Variants in VPS41 observed in about 807,000 individuals in gnomAD.
VPS41 encodes vacuolar protein sorting-associated protein 41 homolog.
A neutral mutation model predicts 130.9 loss-of-function variants in VPS41; 85 were observed. The observed-to-expected ratio is 0.65, with a 90% confidence interval of 0.55 to 0.78. The LOEUF (loss-of-function observed/expected upper bound fraction) is 0.78, where lower values mean the gene tolerates loss of function less well. VPS41 is among the 30% of genes least tolerant of loss of function. The pLI is 0.00. For synonymous variants in VPS41, 335 were observed against 332.9 expected, an observed-to-expected ratio of 1.01 and a Z score of -0.07; for missense variants, 874 against 1,018.7, an observed-to-expected ratio of 0.86 and a Z score of 1.93.
chr7:38,765,901 G>A, intron 15 of VPS41: 1 of 388,582 alleles, frequency 2.6e-6, no homozygotes. Flanking sequence ...AAATAAAGAT[G>A]AATCACTTCA....
intron 2 of VPS41, among the ~76,000 whole-genome samples, chr7:38,897,594 G>A (rs1236023004): frequency 6.8e-6 from 1 of 148,026 alleles, no homozygotes; most frequent in South Asian, 2.1e-4. Flanking sequence ...GCAGTGAGCC[G>A]AGATGGAGCC....
At chr7:38,904,322 A>C (rs1400017197) in intron 1 of VPS41, among the ~76,000 whole-genome samples, 1 of 152,194 alleles carries the variant, frequency 6.6e-6, no homozygotes, top group Non-Finnish European at 1.5e-5. Flanking sequence ...TAAGTGGAAA[A>C]ACTAACAAAG....
intron 4 of VPS41, chr7:38,831,327 T>C (rs1043053919): frequency 2.3e-6 from 1 of 431,320 alleles, no homozygotes; most frequent in Non-Finnish European, 4.7e-6. Flanking sequence ...CATGCAGCCT[T>C]TAAAACTGAA....
At chr7:38,738,232 T>C (rs1389108874) in intron 25 of VPS41, among the ~76,000 whole-genome samples, 1 of 152,194 alleles carries the variant, frequency 6.6e-6, no homozygotes, top group African/African-American at 2.4e-5. Context: ...AATTAGCAGA[T>C]TTTTTAGAGA....
chr7:38,869,102 A>G, intron 3 of VPS41, 44 bp downstream of exon 3: 3 of 1,448,742 alleles, frequency 2.1e-6, no homozygotes, highest in East Asian at 2.3e-5. Context: ...CAAATTTACA[A>G]TGGAAACAAT....
chr7:38,762,751 T>G (rs1324922609), intron 17 of VPS41, among the ~76,000 whole-genome samples: 2 of 152,302 alleles, frequency 1.3e-5, no homozygotes, highest in Non-Finnish European at 2.9e-5. Flanking sequence ...AGGTAAAACA[T>G]GAACTATTTA....
chr7:38,774,065 A>T, intron 12 of VPS41, 50 bp downstream of exon 12: 2 of 1,463,846 alleles, frequency 1.4e-6, no homozygotes, highest in African/African-American at 2.0e-5. Flanking sequence ...AGGAAGGGGG[A>T]GAAAAAAACA....
intron 25 of VPS41, among the ~76,000 whole-genome samples, chr7:38,741,676 C>A (rs1795882923): frequency 1.3e-5 from 2 of 152,248 alleles, no homozygotes; most frequent in Middle Eastern, 3.4e-3. Flanking sequence ...CTTTCATACT[C>A]GCCTCGATTC....
chr7:38,758,428 G>C lies in VPS41; in HGVS notation c.1476C>G (p.Val492=), dbSNP rs1315170909. ...EWPGDLYNNS[V]IVQAVRDHLK... The stretch of plus-strand genomic sequence containing the variant: ...AATGATCCCGAACTGCTTGAACTAT[G>C]ACTGAATTATTATACAGATCTCCAG... Residue 492 remains valine, a synonymous_variant, in exon 18 of 29, where the codon GTC becomes GTG. Transcript: ENST00000310301. The C allele has an allele frequency of 1.2e-6, 2 of 1,613,392 alleles. No homozygotes were observed. Among genetic ancestry groups the C allele is most frequent in the South Asian group, 2.2e-5 (2 of 91,034 alleles).
Position 38,809,423 on chromosome 7 carries a change from G to C in VPS41, c.450+8394C>G, listed in dbSNP as rs376958248. The stretch of plus-strand genomic sequence containing the variant: ...AATAAAGCTAGAAAAAAATAAAAAT[G>C]TTGATAACATGGGCAAAAGAAATAA... On this transcript the variant is annotated intron_variant, in intron 7 of 28. Coordinates refer to ENST00000310301, the MANE Select transcript of VPS41 (RefSeq NM_014396.4). Among the ~76,000 whole-genome samples the C allele has an allele frequency of 3.3e-5, 5 of 149,874 alleles. No homozygotes were observed. The East Asian group carries it at 7.8e-4, about 23-fold the overall frequency.
chr7:38,870,668 A>G (rs768723362), intron 2 of VPS41, among the ~76,000 whole-genome samples: 1 of 151,182 alleles, frequency 6.6e-6, no homozygotes, highest in Non-Finnish European at 1.5e-5. Flanking sequence ...AAAAAAGACC[A>G]TAAAAATAAA....
At chr7:38,872,566 C>T (rs1392591844) in intron 2 of VPS41, among the ~76,000 whole-genome samples, 5 of 152,186 alleles carry the variant, frequency 3.3e-5, no homozygotes, top group Admixed American at 1.3e-4. Flanking sequence ...GATGATATAC[C>T]TGTTATTAAC....
chr7:38,800,499 CTT>C (rs1458762139), intron 7 of VPS41, among the ~76,000 whole-genome samples: 1 of 151,956 alleles, frequency 6.6e-6, no homozygotes, highest in Non-Finnish European at 1.5e-5. Flanking sequence ...ATCAGGAAAA[CTT>C]AGGGGAATAG....
At chr7:38,880,553 C>T (rs530359823) in intron 2 of VPS41, among the ~76,000 whole-genome samples, 1 of 152,294 alleles carries the variant, frequency 6.6e-6, no homozygotes, top group East Asian at 1.9e-4. Flanking sequence ...AGACTAAACC[C>T]TTAAGCTCTC....
chr7:38,761,877 G>T (rs1354686375), intron 17 of VPS41, among the ~76,000 whole-genome samples: 1 of 152,042 alleles, frequency 6.6e-6, no homozygotes, highest in Non-Finnish European at 1.5e-5. Flanking sequence ...GTGAGCCACC[G>T]TGACAGCCCT....
intron 17 of VPS41, among the ~76,000 whole-genome samples, chr7:38,761,462 T>G (rs1211829400): frequency 6.6e-6 from 1 of 151,344 alleles, no homozygotes; most frequent in Non-Finnish European, 1.5e-5. Flanking sequence ...TTTTTTTTTT[T>G]TTAGTAGAGA....
chr7:38,909,141 C>A lies in VPS41; in HGVS notation c.21+13G>T. On this transcript the variant is annotated intron_variant, in intron 1 of 28. Coordinates refer to ENST00000310301, the MANE Select transcript of VPS41 (RefSeq NM_014396.4). Reference sequence around the variant, plus strand: ...ATATCCCTGTGCCCTCAACTACCACCTGCACCCTTTACCTGCTCCTCTGCT... The same window carrying A: ...ATATCCCTGTGCCCTCAACTACCACATGCACCCTTTACCTGCTCCTCTGCT... 1 of 1,614,240 alleles carries A rather than the reference C, an allele frequency of 6.2e-7. No individual in the cohort carries two copies. The highest frequency in any genetic ancestry group is 8.5e-7 in the Non-Finnish European group (1 of 1,180,028).
chr7:38,809,829 T>C (rs1477489222), intron 7 of VPS41, among the ~76,000 whole-genome samples: 1 of 152,134 alleles, frequency 6.6e-6, no homozygotes, highest in Non-Finnish European at 1.5e-5. Context: ...GTCAAAGTAG[T>C]AGAACCAGTT....
chr7:38,863,445 A>T (rs1584434024), intron 3 of VPS41, among the ~76,000 whole-genome samples: 1 of 152,206 alleles, frequency 6.6e-6, no homozygotes, highest in East Asian at 1.9e-4. Flanking sequence ...GAAACGCTCA[A>T]ATTTACAGGC....
Sources: gnomAD v4.1 joint callset for allele counts (sites outside exome capture counted in the v4.1 genomes callset) on GRCh38, gnomAD v4.1.1 for gene constraint, MANE v1.5 for transcripts, NCBI Gene and HGNC (gene_info 2026-07-23, HGNC 2026-07-21) for gene names.